The following CSMD1 variants were observed in gnomAD, a reference collection of about 807,000 sequenced individuals.
CSMD1 encodes the protein CUB and sushi domain-containing protein 1.
Under a neutral mutation model 417.5 loss-of-function variants are expected in CSMD1, and 213 were observed. That is an observed-to-expected ratio of 0.51 (90% CI 0.46 to 0.57). The LOEUF is 0.57. Among genes scored for constraint, CSMD1 ranks in the 20% least tolerant of loss-of-function variants. The probability of loss-of-function intolerance (pLI) is 0.00; values close to 1 mark genes in which losing one functional copy is unlikely to be tolerated. For synonymous variants in CSMD1, 2,862 were observed against 1,736.8 expected (o/e 1.65, Z -16.11); for missense variants, 6,923 against 4,529.7 (o/e 1.53, Z -15.17).
chr8:4,027,890 T>G (rs113313077), intron 4 of CSMD1, among the ~76,000 whole-genome samples: 66 of 152,276 alleles, frequency 4.3e-4, no homozygotes, highest in African/African-American at 1.5e-3. Flanking sequence ...CACAGTAACT[T>G]TGATTTTTTT....
chr8:3,018,138 T>C (rs1350701288), intron 52 of CSMD1, among the ~76,000 whole-genome samples: 1 of 152,380 alleles, frequency 6.6e-6, no homozygotes, highest in Non-Finnish European at 1.5e-5. Context: ...TTCATTGACA[T>C]AATTTTAAAA....
rs142119067 is a variant in CSMD1 at position 4,444,816 on chromosome 8, C to T, written c.303-24751G>A. On this transcript the variant is annotated intron_variant, in intron 2 of 69. Coordinates refer to ENST00000635120, the MANE Select transcript of CSMD1 (RefSeq NM_033225.6). The stretch of plus-strand genomic sequence containing the variant: ...TTCCAGATAATCAGATGCTTGTGAC[C>T]TCAGCCACAAGCCTTCAGGTGCAAA... Among the ~76,000 whole-genome samples the T allele has an allele frequency of 2.0e-3, 311 of 152,242 alleles. 1 individual carries two copies. Among genetic ancestry groups the T allele is most frequent in the Non-Finnish European group, 3.8e-3 (258 of 68,022 alleles).
Position 4,575,311 on chromosome 8 carries a change from A to G in CSMD1, c.302+62031T>C, listed in dbSNP as rs79800647. Among the ~76,000 whole-genome samples the G allele has an allele frequency of 1.7e-3, 265 of 152,344 alleles. 3 individuals carry two copies. In the East Asian group the frequency reaches 0.019, roughly 11 times the overall value. ...TTGGTGTCCCTGTCCTTTTTATGTA[A>G]TAATGTGATTCTGCAAAGTGGCAAT... On this transcript the variant is annotated intron_variant, in intron 2 of 69. Transcript: ENST00000635120.
intron 1 of CSMD1, among the ~76,000 whole-genome samples, chr8:4,741,256 A>G (rs935879011): frequency 6.6e-6 from 1 of 152,210 alleles, no homozygotes; most frequent in Non-Finnish European, 1.5e-5. Flanking sequence ...GGCTTAAAGA[A>G]GAGCATCTTT....
intron 5 of CSMD1, among the ~76,000 whole-genome samples, chr8:3,826,652 C>T (rs1485459811): frequency 1.3e-5 from 2 of 152,178 alleles, no homozygotes; most frequent in Admixed American, 1.3e-4. Context: ...TGTTTATCTG[C>T]AGCTCGGGCA....
Position 4,520,251 on chromosome 8 carries a change from T to G in CSMD1, c.303-100186A>C, listed in dbSNP as rs145261278. Reference sequence around the variant, plus strand: ...CTTATTTTACCTGGGCTTTTGGGATTTCACATGGACATAGTTGCAAAATAA... The same window carrying G: ...CTTATTTTACCTGGGCTTTTGGGATGTCACATGGACATAGTTGCAAAATAA... On this transcript the variant is annotated intron_variant, in intron 2 of 69. Transcript: ENST00000635120. Among the ~76,000 whole-genome samples, 799 of 152,296 alleles carry G rather than the reference T, an allele frequency of 5.2e-3. 6 individuals are homozygous for G. The highest frequency in any genetic ancestry group is 0.018 in the African/African-American group (733 of 41,566).
At chr8:2,986,842 C>G (rs1296583213) in intron 54 of CSMD1, among the ~76,000 whole-genome samples, 2 of 151,354 alleles carry the variant, frequency 1.3e-5, no homozygotes, top group African/African-American at 4.8e-5. Flanking sequence ...ATGCCTAATG[C>G]AAAGGAAAAA....
At chr8:4,485,169 G>A (rs1407327384) in intron 2 of CSMD1, among the ~76,000 whole-genome samples, 1 of 152,050 alleles carries the variant, frequency 6.6e-6, no homozygotes, top group Non-Finnish European at 1.5e-5. Flanking sequence ...GATGTCTACT[G>A]ATTTGTATAA....
intron 3 of CSMD1, among the ~76,000 whole-genome samples, chr8:4,133,028 G>A (rs1190488917): frequency 6.6e-6 from 1 of 152,096 alleles, no homozygotes; most frequent in African/African-American, 2.4e-5. Flanking sequence ...CCGACTCCCG[G>A]GTTAAAGCGA....
At chr8:3,783,600 G>T (rs539786218) in intron 5 of CSMD1, among the ~76,000 whole-genome samples, 1 of 152,342 alleles carries the variant, frequency 6.6e-6, no homozygotes, top group Non-Finnish European at 1.5e-5. Flanking sequence ...CAGTAGCAAA[G>T]GCCTGAGAGG....
rs370673531 is a variant in CSMD1 at position 4,199,965 on chromosome 8, A to C, written c.416-167866T>G. Among the ~76,000 whole-genome samples the C allele has an allele frequency of 7.5e-4, 115 of 152,326 alleles. 5 individuals carry two copies. The South Asian group carries it at 0.022, about 30-fold the overall frequency. ...CAACCAATGTAGAAAAAAAGACCTG[A>C]ATGAAATAAATAATGGTGACTATTA... On this transcript the variant is annotated intron_variant, in intron 3 of 69. Coordinates refer to ENST00000635120, the MANE Select transcript of CSMD1 (RefSeq NM_033225.6).
chr8:4,199,388 G>C (rs1231207285), intron 3 of CSMD1, among the ~76,000 whole-genome samples: 1 of 152,196 alleles, frequency 6.6e-6, no homozygotes. Flanking sequence ...TAGTGTGGTG[G>C]AGTGAAAAGA....
At chr8:4,357,306 A>G (rs1421547369) in intron 3 of CSMD1, among the ~76,000 whole-genome samples, 1 of 152,174 alleles carries the variant, frequency 6.6e-6, no homozygotes, top group African/African-American at 2.4e-5. Flanking sequence ...GCTTTCTCAC[A>G]TTTCCTCCTG....
At chr8:3,445,163 A>G (rs897714770) in intron 12 of CSMD1, among the ~76,000 whole-genome samples, 2 of 152,220 alleles carry the variant, frequency 1.3e-5, no homozygotes, top group East Asian at 3.8e-4. Flanking sequence ...AATCACAATC[A>G]TAACACAGTA....
intron 27 of CSMD1, among the ~76,000 whole-genome samples, chr8:3,226,450 G>A (rs1798508794): frequency 6.6e-6 from 1 of 152,002 alleles, no homozygotes; most frequent in Non-Finnish European, 1.5e-5. Context: ...GGGCGTGGTG[G>A]CACGCACCTA....
intron 3 of CSMD1, among the ~76,000 whole-genome samples, chr8:4,085,472 A>T (rs894026368): frequency 1.3e-5 from 2 of 152,206 alleles, no homozygotes; most frequent in African/African-American, 4.8e-5. Flanking sequence ...GTTTGCTGAC[A>T]GTTTAAAACC....
intron 3 of CSMD1, among the ~76,000 whole-genome samples, chr8:4,352,318 A>G (rs149556539): frequency 2.2e-3 from 337 of 152,364 alleles, no homozygotes; most frequent in African/African-American, 7.6e-3. Context: ...TATCTATGCC[A>G]TCATAAAAAT....
intron 5 of CSMD1, among the ~76,000 whole-genome samples, chr8:3,947,107 T>A (rs1292872701): frequency 6.6e-6 from 1 of 152,178 alleles, no homozygotes; most frequent in Non-Finnish European, 1.5e-5. Context: ...TTGTTTCTGA[T>A]TTTATGAGGA....
intron 1 of CSMD1, among the ~76,000 whole-genome samples, chr8:4,871,776 T>A (rs370621054): frequency 2.3e-4 from 35 of 152,280 alleles, no homozygotes; most frequent in African/African-American, 7.2e-4. Context: ...CTTTTGAAAC[T>A]GTACATTTAG....
Sources: gnomAD v4.1 joint callset for allele counts (sites outside exome capture counted in the v4.1 genomes callset) on GRCh38, gnomAD v4.1.1 for gene constraint, MANE v1.5 for transcripts, NCBI Gene and HGNC (gene_info 2026-07-23, HGNC 2026-07-21) for gene names.